The following PREX2 variants were observed in gnomAD, a reference collection of about 807,000 sequenced individuals.
PREX2 encodes the protein phosphatidylinositol-3,4,5-trisphosphate dependent Rac exchange factor 2, also known as phosphatidylinositol 3,4,5-trisphosphate-dependent Rac exchanger 2 protein.
Under a neutral mutation model 203.2 loss-of-function variants are expected in PREX2, and 107 were observed. That is an observed-to-expected ratio of 0.53 (90% confidence interval 0.45 to 0.62). The LOEUF (loss-of-function observed/expected upper bound fraction) is 0.62. Among genes scored for constraint, PREX2 ranks in the 20% least tolerant of loss-of-function variants. The pLI, the probability that PREX2 is intolerant of heterozygous loss-of-function variation, is 0.00. For synonymous variants in PREX2, 672 were observed against 663.6 expected, an observed-to-expected ratio of 1.01 and a Z score of -0.19; for missense variants, 1,777 against 1,955.9, an observed-to-expected ratio of 0.91 and a Z score of 1.72.
intron 26 of PREX2, 80 bp from the exon 27 acceptor site, chr8:68,118,470 T>C: frequency 2.4e-6 from 2 of 830,736 alleles, no homozygotes; most frequent in Non-Finnish European, 2.0e-6. Context: ...ATATAACTGA[T>C]ATAAGTTTAT....
intron 38 of PREX2, among the ~76,000 whole-genome samples, chr8:68,220,527 A>G (rs56105112): frequency 0.066 from 9,986 of 152,158 alleles, 825 homozygotes; most frequent in African/African-American, 0.19. Flanking sequence ...ACTGGACACA[A>G]AGAACAAAGA....
At chr8:68,225,974 C>A (rs1813049286) in intron 39 of PREX2, among the ~76,000 whole-genome samples, 1 of 152,078 alleles carries the variant, frequency 6.6e-6, no homozygotes. Flanking sequence ...GACTTCAGCA[C>A]CCTGATCAAT....
intron 20 of PREX2, 56 bp downstream of exon 20, chr8:68,090,771 G>T: frequency 6.7e-7 from 1 of 1,495,450 alleles, no homozygotes; most frequent in South Asian, 1.2e-5. Flanking sequence ...AAAGACCTAA[G>T]GGGTTGAGGT....
Position 68,231,561 on chromosome 8 carries a change from A to G in PREX2, c.*183A>G. ...TTTATACTTTGATATTTATGCTGGA[A>G]ATGGATAGAAGTTCAATCAGACAGT... On this transcript the variant is annotated 3_prime_UTR_variant, in exon 40 of 40. Coordinates refer to ENST00000288368, the MANE Select transcript of PREX2 (RefSeq NM_024870.4). The G allele has an allele frequency of 2.3e-6, 1 of 437,262 alleles. No homozygotes were observed. Among genetic ancestry groups the G allele is most frequent in the Non-Finnish European group, 4.0e-6 (1 of 251,856 alleles). 27.1% of individuals were successfully genotyped at this position (437,262 alleles called of 1,614,324 possible).
intron 1 of PREX2, among the ~76,000 whole-genome samples, chr8:67,999,232 C>T (rs1415147530): frequency 1.3e-5 from 2 of 151,628 alleles, no homozygotes; most frequent in Non-Finnish European, 2.9e-5. Context: ...GCTGGGTACA[C>T]TAATAAAGAA....
intron 6 of PREX2, among the ~76,000 whole-genome samples, chr8:68,031,595 G>A (rs975982002): frequency 2.0e-5 from 3 of 152,114 alleles, no homozygotes; most frequent in East Asian, 1.9e-4. Flanking sequence ...GAATTCTTCC[G>A]TTTGTCCCTT....
In PREX2 at chr8:68,019,550, T is replaced by C. The variant is rs1807504303; in HGVS notation, c.215T>C (p.Met72Thr). ...DKNVTEETVK[M>T]LFSNIEDILA... ...ACTTACACATTTGTTTATTTACAGA[T>C]GTTGTTCTCAAACATTGAAGACATC... The change falls in exon 3 of 40, where the codon ATG (methionine) becomes ACG (threonine). Residue 72 changes from methionine (M) to threonine (T), a missense_variant and splice_region_variant. Physicochemically the swap from Met to Thr is moderately conservative, Grantham distance 81 (BLOSUM62 -1). Coordinates refer to ENST00000288368, the MANE Select transcript of PREX2 (RefSeq NM_024870.4). The C allele has an allele frequency of 6.2e-7, 1 of 1,606,952 alleles. No homozygotes were observed. The highest frequency in any genetic ancestry group is 1.1e-5 in the South Asian group (1 of 89,422).
intron 24 of PREX2, 81 bp downstream of exon 24, chr8:68,108,412 A>G (rs916978175): frequency 2.3e-5 from 21 of 907,268 alleles, no homozygotes; most frequent in Admixed American, 8.6e-5. Context: ...CTGAAATTCA[A>G]TAGATACCTG....
At chr8:68,083,620 T>C (rs1048041857) in intron 18 of PREX2, among the ~76,000 whole-genome samples, 3 of 152,206 alleles carry the variant, frequency 2.0e-5, no homozygotes, top group East Asian at 3.9e-4. Flanking sequence ...GCTTTTCTTT[T>C]GCTGCCCACA....
intron 4 of PREX2, among the ~76,000 whole-genome samples, chr8:68,025,896 G>A (rs1030875484): frequency 2.6e-5 from 4 of 152,082 alleles, no homozygotes; most frequent in African/African-American, 7.2e-5. Flanking sequence ...ATAAAAGTGG[G>A]CTAGACAGCC....
At chr8:68,112,458 T>C (rs1189304461) in intron 25 of PREX2, among the ~76,000 whole-genome samples, 1 of 152,052 alleles carries the variant, frequency 6.6e-6, no homozygotes, top group Non-Finnish European at 1.5e-5. Flanking sequence ...AACCACACTT[T>C]AAGACAGTTA....
chr8:68,105,342 G>A, intron 23 of PREX2: 1 of 1,367,200 alleles, frequency 7.3e-7, no homozygotes, highest in Non-Finnish European at 9.8e-7. Flanking sequence ...AATGCTCTTA[G>A]CAGAGAGGGC....
chr8:68,134,167 A>G lies in PREX2; in HGVS notation c.3875A>G (p.Asn1292Ser), dbSNP rs752818370. The change falls in exon 32 of 40, where the codon AAC (asparagine) becomes AGC (serine). Residue 1292 changes from asparagine (N) to serine (S), a missense_variant. By Grantham distance (46) the Asn-to-Ser change is conservative. Coordinates refer to ENST00000288368, the MANE Select transcript of PREX2 (RefSeq NM_024870.4). ...LMAALNQMFD[N>S]SKENEMETWE... ...GCGGCCTTGAACCAGATGTTTGACA[A>G]CAGCAAGGAAAATGAGATGGAAACT... The G allele has an allele frequency of 6.8e-6, 11 of 1,614,104 alleles. No homozygotes were observed. In the South Asian group the frequency reaches 1.2e-4, roughly 18 times the overall value.
At chr8:68,224,681 G>C (rs961090388) in intron 39 of PREX2, 55 bp downstream of exon 39, 1 of 1,348,744 alleles carries the variant, frequency 7.4e-7, no homozygotes, top group Non-Finnish European at 1.1e-6. Flanking sequence ...CATTTTCCCC[G>C]GCAGTGTCCC....
rs1563480025 is a variant in PREX2, at chr8:67,976,539, C to CAGA, written c.141+24004_141+24005insAGA. 7.4e-5 allele frequency among the ~76,000 whole-genome samples: 3 copies of CAGA among 40,314 alleles called. 1 individual carries two copies. Among genetic ancestry groups the CAGA allele is most frequent in the Admixed American group, 8.1e-4 (2 of 2,478 alleles). The allele number at this position is 40,314 out of a possible 152,430, so 26.4% of individuals were successfully genotyped here. ...AGAGACAGAGACAGAGAGAGAGAGACGGGAGAGAGACAGAGAGAGAGAGAC... is the reference window on the plus strand; with the variant it reads ...AGAGACAGAGACAGAGAGAGAGAGACAGAGGGAGAGAGACAGAGAGAGAGAGAC... On this transcript the variant is annotated intron_variant, in intron 1 of 39. Coordinates refer to ENST00000288368, the MANE Select transcript of PREX2 (RefSeq NM_024870.4).
chr8:68,055,691 G>A, intron 9 of PREX2, 139 bp from the exon 10 acceptor site: 1 of 733,324 alleles, frequency 1.4e-6, no homozygotes, highest in Non-Finnish European at 2.2e-6. Context: ...GAACACCAGG[G>A]CACTATTATA....
chr8:68,047,678 G>A (rs1375547363), intron 8 of PREX2, among the ~76,000 whole-genome samples: 1 of 150,868 alleles, frequency 6.6e-6, no homozygotes, highest in Non-Finnish European at 1.5e-5. Context: ...TGCAACACTG[G>A]GCCTGGCACT....
chr8:68,043,212 A>G (rs1333800365), intron 7 of PREX2, among the ~76,000 whole-genome samples: 2 of 152,154 alleles, frequency 1.3e-5, no homozygotes, highest in African/African-American at 2.4e-5. Flanking sequence ...TATGCTTACT[A>G]ATGAAGAACA....
At chr8:68,217,967 CTTGA>C (rs1812879170) in intron 38 of PREX2, among the ~76,000 whole-genome samples, 1 of 101,976 alleles carries the variant, frequency 9.8e-6, no homozygotes, top group Non-Finnish European at 1.8e-5. Flanking sequence ...CAGAAAGGGA[CTTGA>C]TTAAGTGGAA....
Sources: allele counts gnomAD v4.1 joint callset (sites outside exome capture counted in the v4.1 genomes callset), GRCh38; gene constraint gnomAD v4.1.1; transcripts MANE v1.5; gene names NCBI Gene and HGNC (gene_info 2026-07-23, HGNC 2026-07-21).